Variants in ITGA6 observed in about 807,000 individuals in gnomAD.
ITGA6 encodes integrin alpha-6.
ITGA6 carries 63 observed loss-of-function variants against 133.6 expected under a neutral mutation model. The observed-to-expected ratio is 0.47, with a 90% CI of 0.38 to 0.58. The LOEUF (loss-of-function observed/expected upper bound fraction) is 0.58. ITGA6 is among the 20% of genes least tolerant of loss of function. ITGA6 has a pLI of 0.00. For synonymous variants in ITGA6, 434 were observed against 482.0 expected (o/e 0.90, Z 1.30); for missense variants, 1,068 against 1,309.4 (o/e 0.82, Z 2.85).
At chr2:172,467,602 C>T (rs1685737215) in intron 3 of ITGA6, 42 bp downstream of exon 3, 1 of 1,470,256 alleles carries the variant, frequency 6.8e-7, no homozygotes, top group African/African-American at 1.4e-5. Flanking sequence ...TGTTGGACTG[C>T]TGGTTATGTG....
intron 1 of ITGA6, among the ~76,000 whole-genome samples, chr2:172,458,069 G>C (rs1272271149): frequency 6.6e-6 from 1 of 151,996 alleles, no homozygotes; most frequent in Non-Finnish European, 1.5e-5. Flanking sequence ...ACAGAGACCA[G>C]GTGATTCCAT....
At position 172,484,886 on chromosome 2, in the gene ITGA6, C is replaced by G; in HGVS notation, c.1654C>G (p.Leu552Val). 1 of 1,614,130 alleles carries G rather than the reference C, an allele frequency of 6.2e-7. No individual in the cohort carries two copies. The highest frequency in any genetic ancestry group is 8.5e-7 in the Non-Finnish European group (1 of 1,179,982). Residue 552 changes from leucine (L) to valine (V), a missense_variant, in exon 12 of 26, where the codon CTA becomes GTA. Coordinates refer to ENST00000684293, the MANE Select transcript of ITGA6 (RefSeq NM_000210.4). ...QGSEPKYTQELTLKRQKQKVC... is the reference protein window; with the variant it reads ...QGSEPKYTQEVTLKRQKQKVC... ...TTCTGAGCCCAAATATACTCAAGAA[C>G]TAACTCTGAAGAGGCAGAAACAGAA...
rs986788774 is a variant in ITGA6, at chr2:172,475,498, CAAAT to C, written c.1181-92_1181-89del. 2.5e-5 allele frequency: 20 copies of C among 809,182 alleles called. 1 individual carries two copies. The African/African-American group carries it at 3.1e-4, about 12-fold the overall frequency. 50.1% of individuals were successfully genotyped at this position (809,182 alleles called of 1,614,324 possible). On this transcript the variant is annotated intron_variant, in intron 7 of 25. Transcript: ENST00000684293. The stretch of plus-strand genomic sequence containing the variant: ...AAAAAAAAACCCCGAAAAAGCCAAA[CAAAT>C]AAATAATAGTGCTTGTGTCATCTTA...
chr2:172,501,731 A>T, intron 24 of ITGA6, 41 bp from the exon 25 acceptor site: 3 of 1,604,262 alleles, frequency 1.9e-6, no homozygotes, highest in Non-Finnish European at 2.6e-6. Context: ...GCTCTTATAC[A>T]CAAAACTGTA....
intron 1 of ITGA6, among the ~76,000 whole-genome samples, chr2:172,432,048 A>C (rs1172526642): frequency 2.0e-5 from 3 of 152,218 alleles, no homozygotes; most frequent in African/African-American, 7.2e-5. Flanking sequence ...TGGTTTCCTG[A>C]AGACCTCGGC....
chr2:172,486,182 A>AAAAAAAAAC, intron 13 of ITGA6, among the ~76,000 whole-genome samples: 1 of 150,856 alleles, frequency 6.6e-6, no homozygotes, highest in South Asian at 2.1e-4. Context: ...TCTCCAAAAA[A>AAAAAAAAAC]AAAAAAAAAA....
At chr2:172,465,204 C>A in intron 1 of ITGA6, 1 of 352,460 alleles carries the variant, frequency 2.8e-6, no homozygotes, top group South Asian at 3.0e-5. Flanking sequence ...ATATGATATC[C>A]CTGGCATCAT....
Position 172,487,416 on chromosome 2 carries a change from T to C in ITGA6, c.2123T>C (p.Leu708Ser), listed in dbSNP as rs1686733878. The C allele has an allele frequency of 6.2e-7, 1 of 1,614,170 alleles. No homozygotes were observed. The highest frequency in any genetic ancestry group is 8.5e-7 in the Non-Finnish European group (1 of 1,179,990). ...CTGATTGCAACGTTTCCAGACACTT[T>C]AACCTATTCTGCATATAGAGAACTG... ...AKLIATFPDT[L>S]TYSAYRELRA... Residue 708 changes from leucine (L) to serine (S), a missense_variant, in exon 15 of 26, where the codon TTA (leucine) becomes TCA (serine). Physicochemically the swap from Leu to Ser is moderately radical, Grantham distance 145 (BLOSUM62 -2). Around this residue, in one of 3 missense-constraint regions of ITGA6, gnomAD observed 609 missense variants for 707.2 expected, o/e 0.86. Transcript: ENST00000684293.
rs201418157 is a variant in ITGA6 at position 172,427,798 on chromosome 2, G to A, written c.10G>A (p.Ala4Thr). 2.6e-4 allele frequency: 411 copies of A among 1,594,758 alleles called. 1 individual carries two copies. The African/African-American group carries it at 4.8e-3, about 18-fold the overall frequency. Residue 4 changes from alanine (A) to threonine (T), a missense_variant, in exon 1 of 26, where the codon GCC becomes ACC. Ala to Thr is a moderately conservative substitution (Grantham distance 58). Around this residue, in one of 3 missense-constraint regions of ITGA6, gnomAD observed 142 missense variants for 145.3 expected, o/e 0.98. Coordinates refer to ENST00000684293, the MANE Select transcript of ITGA6 (RefSeq NM_000210.4). MAA[A>T]GQLCLLYLSA... is the part of the protein sequence containing the mutation. ...CCCCGTGCGTCCGCCCATGGCCGCC[G>A]CCGGGCAGCTGTGCTTGCTCTACCT...
chr2:172,491,634 T>C lies in ITGA6; in HGVS notation c.2988+111T>C. 1 of 749,532 alleles carries C rather than the reference T, an allele frequency of 1.3e-6. No individual in the cohort carries two copies. The highest frequency in any genetic ancestry group is 2.4e-6 in the Non-Finnish European group (1 of 423,914). The allele number at this position is 749,532 out of a possible 1,614,324, so 46.4% of individuals were successfully genotyped here. ...GGTGCTCATTTCCCTCATAGCCCCATTACGGAGAAAACTGTCTTAAGGTAC... is the reference window on the plus strand; with the variant it reads ...GGTGCTCATTTCCCTCATAGCCCCACTACGGAGAAAACTGTCTTAAGGTAC... On this transcript the variant is annotated intron_variant, in intron 23 of 25. Coordinates refer to ENST00000684293, the MANE Select transcript of ITGA6 (RefSeq NM_000210.4). This position sits in a 1 kb window ranked among gnomAD's most constrained non-coding sequence, Gnocchi z 4.4.
intron 1 of ITGA6, among the ~76,000 whole-genome samples, chr2:172,453,292 C>T (rs535632553): frequency 1.1e-4 from 16 of 152,042 alleles, no homozygotes; most frequent in African/African-American, 3.6e-4. Context: ...TTCCGGAGGC[C>T]GAGGCAGGAG....
At chr2:172,442,870 C>T (rs1012734167) in intron 1 of ITGA6, among the ~76,000 whole-genome samples, 4 of 151,792 alleles carry the variant, frequency 2.6e-5, no homozygotes, top group Non-Finnish European at 4.4e-5. Context: ...GACTTGTGGG[C>T]GCTGATTTTT....
chr2:172,452,194 A>G (rs1177820040), intron 1 of ITGA6, among the ~76,000 whole-genome samples: 1 of 152,180 alleles, frequency 6.6e-6, no homozygotes, highest in Non-Finnish European at 1.5e-5. Flanking sequence ...TTTGACTACC[A>G]GAGGCCTTAA....
At chr2:172,446,028 CCCAGCTAAAAAGTCT>C (rs1201136113) in intron 1 of ITGA6, among the ~76,000 whole-genome samples, 2 of 152,340 alleles carry the variant, frequency 1.3e-5, no homozygotes, top group South Asian at 4.1e-4. Context: ...TGGCCTTATG[CCCAGCTAAAAAGTCT>C]TTTACTATGG....
chr2:172,434,504 C>A (rs1684236804), intron 1 of ITGA6, among the ~76,000 whole-genome samples: 1 of 152,202 alleles, frequency 6.6e-6, no homozygotes, highest in South Asian at 2.1e-4. Flanking sequence ...AGACCCTCCC[C>A]AGTTCAGCCC....
rs767577815 is a variant in ITGA6 at position 172,467,524 on chromosome 2, C to T, written c.351C>T (p.Val117=). 1 of 1,613,794 alleles carries T rather than the reference C, an allele frequency of 6.2e-7. No individual in the cohort carries two copies. Among genetic ancestry groups the T allele is most frequent in the East Asian group, 2.2e-5 (1 of 44,872 alleles). ...GCAAGGAAGATCAGTGGATGGGGGT[C>T]ACCGTCCAGAGCCAAGGTCCAGGGG... ...SESKEDQWMG[V]TVQSQGPGGK... is the part of the protein sequence containing the mutation. The change falls in exon 3 of 26, where the codon GTC becomes GTT. Residue 117 remains valine, a synonymous_variant. Transcript: ENST00000684293.
chr2:172,502,746 T>C (rs16860625), intron 25 of ITGA6, among the ~76,000 whole-genome samples: 3,565 of 152,324 alleles, frequency 0.023, 144 homozygotes, highest in African/African-American at 0.081. Context: ...GTTTCTCTTA[T>C]TTGGAAATAC....
At chr2:172,455,141 CTG>C (rs57406140) in intron 1 of ITGA6, among the ~76,000 whole-genome samples, 20,604 of 152,180 alleles carry the variant, frequency 0.14, 2,390 homozygotes, top group African/African-American at 0.32. Flanking sequence ...ATTATAATAA[CTG>C]TGTTTTAAGC....
At chr2:172,451,676 G>A (rs916929984) in intron 1 of ITGA6, among the ~76,000 whole-genome samples, 3 of 152,126 alleles carry the variant, frequency 2.0e-5, no homozygotes, top group African/African-American at 7.2e-5. Context: ...GGATGAGAGC[G>A]CAGCTAGAGA....
Sources: allele counts gnomAD v4.1 joint callset (sites outside exome capture counted in the v4.1 genomes callset), GRCh38; gene constraint gnomAD v4.1.1; regional missense constraint gnomAD v4.1.1; non-coding constraint Gnocchi (gnomAD v3.1); transcripts MANE v1.5; gene names NCBI Gene and HGNC (gene_info 2026-07-23, HGNC 2026-07-21).